Variants in PKHD1 observed in about 807,000 individuals in gnomAD.
PKHD1 encodes the protein fibrocystin.
PKHD1 carries 291 observed loss-of-function variants against 412.0 expected under a neutral mutation model. The observed-to-expected ratio is 0.71, with a 90% CI of 0.64 to 0.78. The LOEUF (loss-of-function observed/expected upper bound fraction) is 0.78, where lower values mean the gene tolerates loss of function less well. Among genes scored for constraint, PKHD1 ranks in the 30% least tolerant of loss-of-function variants. The pLI, the probability that PKHD1 is intolerant of heterozygous loss-of-function variation, is 0.00. For synonymous variants in PKHD1, 1,777 were observed against 1,821.5 expected, an observed-to-expected ratio of 0.98 and a Z score of 0.62; for missense variants, 4,825 against 4,950.7, an observed-to-expected ratio of 0.97 and a Z score of 0.76.
chr6:51,767,322 T>C (rs1464982365), intron 55 of PKHD1, among the ~76,000 whole-genome samples: 2 of 152,070 alleles, frequency 1.3e-5, no homozygotes, highest in African/African-American at 4.8e-5. Context: ...AGTATGTTCC[T>C]CTTATTCTTT....
intron 53 of PKHD1, among the ~76,000 whole-genome samples, chr6:51,779,549 A>T (rs923068473): frequency 4.6e-5 from 7 of 152,152 alleles, no homozygotes; most frequent in Admixed American, 2.6e-4. Context: ...TTATTTGAAG[A>T]TATTTTATTC....
At chr6:51,868,225 AT>A (rs1775400457) in intron 47 of PKHD1, 116 bp from the exon 48 acceptor site, 1 of 971,812 alleles carries the variant, frequency 1.0e-6, no homozygotes, top group African/African-American at 1.6e-5. Context: ...CAATTCACCT[AT>A]TCATGCAAGA....
chr6:51,806,426 G>A (rs1225335222), intron 52 of PKHD1, among the ~76,000 whole-genome samples: 2 of 152,146 alleles, frequency 1.3e-5, no homozygotes, highest in East Asian at 3.9e-4. Context: ...GCTGGAAGAA[G>A]AGTAAGTTGG....
chr6:51,667,820 T>G (rs1456277859), intron 60 of PKHD1, among the ~76,000 whole-genome samples: 1 of 150,970 alleles, frequency 6.6e-6, no homozygotes, highest in East Asian at 2.0e-4. Flanking sequence ...CCCCATTGCT[T>G]GTTTTTCTCA....
In PKHD1 at chr6:51,666,292, T is replaced by C. The variant is rs570337495; in HGVS notation, c.10157-6323A>G. 1.7e-3 allele frequency among the ~76,000 whole-genome samples: 266 copies of C among 152,240 alleles called. No individual in the cohort carries two copies. In the Middle Eastern group the frequency reaches 0.024, roughly 14 times the overall value. On this transcript the variant is annotated intron_variant, in intron 60 of 66. Transcript: ENST00000371117. ...CGTAAGTACCACAAACATGATAAAA[T>C]CTAGGGAAAGGTAATACATATACTA...
intron 53 of PKHD1, among the ~76,000 whole-genome samples, chr6:51,782,600 A>C (rs1463932413): frequency 6.6e-6 from 1 of 152,158 alleles, no homozygotes; most frequent in African/African-American, 2.4e-5. Context: ...TGATTAGGGA[A>C]CTGTGCATCT....
In PKHD1 at chr6:52,010,359, T is replaced by C. The variant is rs1460915119; in HGVS notation, c.5701A>G (p.Ile1901Val). 2.5e-6 allele frequency: 4 copies of C among 1,613,690 alleles called. No homozygotes were observed. Among genetic ancestry groups the C allele is most frequent in the African/African-American group, 1.3e-5 (1 of 74,908 alleles). Residue 1901 changes from isoleucine to valine, a missense_variant, in exon 35 of 67, where the codon ATT becomes GTT. Physicochemically the swap from Ile to Val is conservative, Grantham distance 29 (BLOSUM62 3). Coordinates refer to ENST00000371117, the MANE Select transcript of PKHD1 (RefSeq NM_138694.4). The part of the protein sequence containing the change: ...EMECETPNQP[I>V]TVKITEIRKR... ...CGTATCTCAGTAATCTTGACGGTAATTGGCTGATTGGGCGTCTCACACTCC... is the reference window on the plus strand; with the variant it reads ...CGTATCTCAGTAATCTTGACGGTAACTGGCTGATTGGGCGTCTCACACTCC...
intron 60 of PKHD1, among the ~76,000 whole-genome samples, chr6:51,730,249 C>T (rs1483426836): frequency 6.6e-6 from 1 of 151,548 alleles, no homozygotes; most frequent in African/African-American, 2.4e-5. Context: ...TTAAATCTAC[C>T]CACGTATTTT....
chr6:52,014,694 CTGGATAGATGGATGGATGGATGGA>C (rs1356726004), intron 34 of PKHD1, among the ~76,000 whole-genome samples: 507 of 121,682 alleles, frequency 4.2e-3, no homozygotes, highest in Non-Finnish European at 5.3e-3. Context: ...GATGAATATA[CTGGATAGATGGATGGATGGATGGA>C]TGGATGGATG....
intron 36 of PKHD1, 136 bp downstream of exon 36, chr6:51,959,734 G>A: frequency 1.2e-6 from 1 of 802,152 alleles, no homozygotes; most frequent in East Asian, 2.5e-5. Flanking sequence ...CCTTTACATA[G>A]TAAAATTTCA....
chr6:52,050,622 T>A (rs1363574042), intron 21 of PKHD1, among the ~76,000 whole-genome samples: 1 of 152,222 alleles, frequency 6.6e-6, no homozygotes, highest in Admixed American at 6.5e-5. Flanking sequence ...CAGTATAGCC[T>A]GCCACCCTTT....
chr6:51,811,257 A>G (rs1764641649), intron 52 of PKHD1, among the ~76,000 whole-genome samples: 1 of 152,176 alleles, frequency 6.6e-6, no homozygotes, highest in African/African-American at 2.4e-5. Context: ...TTTAAGATCA[A>G]CTGACCTGAA....
chr6:51,652,926 T>G (rs1186467962), intron 61 of PKHD1, among the ~76,000 whole-genome samples: 3 of 152,168 alleles, frequency 2.0e-5, no homozygotes, highest in Non-Finnish European at 4.4e-5. Context: ...ATTCTATATG[T>G]GCCACAAGGG....
chr6:51,919,127 G>A (rs1288805035), intron 37 of PKHD1, among the ~76,000 whole-genome samples: 1 of 152,132 alleles, frequency 6.6e-6, no homozygotes, highest in Non-Finnish European at 1.5e-5. Flanking sequence ...AAGCTCTTTA[G>A]TTTAATTAGA....
intron 35 of PKHD1, among the ~76,000 whole-genome samples, chr6:51,977,333 G>T (rs1019564410): frequency 6.6e-6 from 1 of 152,148 alleles, no homozygotes; most frequent in African/African-American, 2.4e-5. Flanking sequence ...ACCTGTCCAC[G>T]CTACTCCCCT....
intron 43 of PKHD1, among the ~76,000 whole-genome samples, chr6:51,894,435 G>A (rs1779582334): frequency 6.6e-6 from 1 of 152,192 alleles, no homozygotes; most frequent in Admixed American, 6.5e-5. Flanking sequence ...CAGACCACCT[G>A]TGAACATCAA....
Position 51,920,867 on chromosome 6 carries a change from A to G in PKHD1, c.6122-8291T>C, listed in dbSNP as rs567249974. ...TAGTCTTGGGAGGGTGTATGTGTCC[A>G]GGAATTTATCCATTTCTTCTATATT... On this transcript the variant is annotated intron_variant, in intron 37 of 66. Coordinates refer to ENST00000371117, the MANE Select transcript of PKHD1 (RefSeq NM_138694.4). 2.0e-5 allele frequency among the ~76,000 whole-genome samples: 3 copies of G among 152,200 alleles called. No individual in the cohort carries two copies. The South Asian group carries it at 6.2e-4, about 32-fold the overall frequency.
intron 61 of PKHD1, among the ~76,000 whole-genome samples, chr6:51,657,771 C>T (rs923808878): frequency 9.9e-5 from 15 of 152,026 alleles, no homozygotes; most frequent in Non-Finnish European, 1.9e-4. Context: ...TCTGATGTAC[C>T]TCTATTGCTT....
At chr6:51,978,001 C>T (rs779610476) in intron 35 of PKHD1, among the ~76,000 whole-genome samples, 3 of 152,166 alleles carry the variant, frequency 2.0e-5, no homozygotes, top group African/African-American at 4.8e-5. Context: ...AAAAAATGGG[C>T]CAGCCATTCA....
Sources: gnomAD v4.1 joint callset for allele counts (sites outside exome capture counted in the v4.1 genomes callset) on GRCh38, gnomAD v4.1.1 for gene constraint, MANE v1.5 for transcripts, NCBI Gene and HGNC (gene_info 2026-07-23, HGNC 2026-07-21) for gene names.